The following TRIM32 variants were observed in gnomAD, a reference collection of about 807,000 sequenced individuals.
The protein encoded by TRIM32 is tripartite motif containing 32.
In TRIM32, 19 loss-of-function variants were observed where a neutral mutation model predicts 36.0. The observed-to-expected ratio is 0.53, with a 90% CI of 0.37 to 0.77. TRIM32 has a LOEUF of 0.77. TRIM32 is among the 30% of genes least tolerant of loss of function. The probability of loss-of-function intolerance (pLI) is 0.00; values close to 1 mark genes in which losing one functional copy is unlikely to be tolerated. For missense variants in TRIM32, 747 were observed against 845.2 expected, an observed-to-expected ratio of 0.88 and a Z score of 1.44; for synonymous variants, 309 against 318.5, an observed-to-expected ratio of 0.97 and a Z score of 0.32.
At position 116,698,698 on chromosome 9, in the gene TRIM32, C is replaced by G. The variant is rs1437843367; in HGVS notation, c.956C>G (p.Ser319Cys). 6.2e-7 allele frequency: 1 copy of G among 1,614,200 alleles called. No homozygotes were observed. Among genetic ancestry groups the G allele is most frequent in the Non-Finnish European group, 8.5e-7 (1 of 1,180,040 alleles). Reference protein sequence around the residue: ...MEATASAASTSVTFREMDMSP... With the variant: ...MEATASAASTCVTFREMDMSP... ...GCCACAGCGTCTGCTGCCTCTACCT[C>G]TGTTACTTTTAGAGAGATGGACATG... Residue 319 changes from serine to cysteine, a missense_variant, in exon 2 of 2, where the codon TCT becomes TGT. Ser to Cys is a moderately radical substitution (Grantham distance 112). Coordinates refer to ENST00000450136, the MANE Select transcript of TRIM32 (RefSeq NM_012210.4). This position sits in a 1 kb window ranked among gnomAD's most constrained non-coding sequence, Gnocchi z 4.4.
rs975839481 is a variant in TRIM32 at position 116,701,213 on chromosome 9, G to C, written c.*1509G>C. ...TTGCTAAACTGAGCTGCTCAAAATT[G>C]TTTTTATGGTAGTAGTGTTTCTTTG... is the stretch of plus-strand genomic sequence containing the variant. On this transcript the variant is annotated 3_prime_UTR_variant, in exon 2 of 2. Transcript: ENST00000450136. 1.2e-5 allele frequency: 2 copies of C among 167,048 alleles called. No homozygotes were observed. Among genetic ancestry groups the C allele is most frequent in the African/African-American group, 4.8e-5 (2 of 41,430 alleles). 10.3% of individuals were successfully genotyped at this position (167,048 alleles called of 1,614,324 possible).
At chr9:116,696,344 CTCTA>C (rs1654207653) in intron 1 of TRIM32, among the ~76,000 whole-genome samples, 1 of 152,112 alleles carries the variant, frequency 6.6e-6, no homozygotes, top group Non-Finnish European at 1.5e-5. Flanking sequence ...ATTCTATACA[CTCTA>C]TATATTATTT....
chr9:116,699,892 A>C lies in TRIM32; in HGVS notation c.*188A>C. 1.3e-6 allele frequency: 1 copy of C among 781,328 alleles called. No homozygotes were observed. Among genetic ancestry groups the C allele is most frequent in the Non-Finnish European group, 2.1e-6 (1 of 486,980 alleles). The allele number at this position is 781,328 out of a possible 1,614,324, so 48.4% of individuals were successfully genotyped here. A position where few individuals can be genotyped will look rare whatever the true frequency, so the allele number is the denominator to read the frequency against. ...TGTCCCCCTCCCCGCTTCCCACCTA[A>C]ATTTAGAGCTTTAAAAGATGCACTG... On this transcript the variant is annotated 3_prime_UTR_variant, in exon 2 of 2. Transcript: ENST00000450136. The surrounding 1 kb of genome is among the most constrained non-coding windows in gnomAD (Gnocchi z 4.2).
At position 116,698,075 on chromosome 9, in the gene TRIM32, C is replaced by T; in HGVS notation, c.333C>T (p.Phe111=). Residue 111 remains phenylalanine (F), a synonymous_variant, in exon 2 of 2, where the codon TTC becomes TTT. Coordinates refer to ENST00000450136, the MANE Select transcript of TRIM32 (RefSeq NM_012210.4). The surrounding 1 kb of genome is among the most constrained non-coding windows in gnomAD (Gnocchi z 4.4). ...GTGGGCGGCGTCTGCCCCGGCAATT[C>T]TGCCGGAGCTGTGGTTTGGTGTTAT... The part of the protein sequence containing the change: ...RSCGRRLPRQ[F]CRSCGLVLCE... 1 of 1,614,122 alleles carries T rather than the reference C, an allele frequency of 6.2e-7. No homozygotes were observed. The highest frequency in any genetic ancestry group is 1.1e-5 in the South Asian group (1 of 91,082).
Position 116,697,301 on chromosome 9 carries a change from C to T in TRIM32, c.-81-361C>T, listed in dbSNP as rs144031102. 53 of 207,436 alleles carry T rather than the reference C, an allele frequency of 2.6e-4. No individual in the cohort carries two copies. The East Asian group carries it at 4.7e-3, about 19-fold the overall frequency. The allele number at this position is 207,436 out of a possible 1,614,324, so 12.8% of individuals were successfully genotyped here. The stretch of plus-strand genomic sequence containing the variant: ...TTCCCTGGTGCTATACTAAGCACAT[C>T]ATATTTATCTTGTTACTTAGCCCTT... On this transcript the variant is annotated intron_variant, in intron 1 of 1. Transcript: ENST00000450136.
At chr9:116,697,004 A>T (rs10983306) in intron 1 of TRIM32, among the ~76,000 whole-genome samples, 26 of 151,194 alleles carry the variant, frequency 1.7e-4, no homozygotes, top group African/African-American at 5.8e-4. Flanking sequence ...TCTTTGCTTA[A>T]AGTACCTTTA....
intron 1 of TRIM32, 108 bp downstream of exon 1, chr9:116,687,489 A>T (rs1463816159): frequency 8.7e-6 from 1 of 115,024 alleles, no homozygotes; most frequent in East Asian, 3.3e-4. Context: ...GCCGCGCCCG[A>T]ATGGCAGGGT....
intron 1 of TRIM32, among the ~76,000 whole-genome samples, chr9:116,692,588 A>G (rs1860626516): frequency 6.6e-6 from 1 of 152,188 alleles, no homozygotes; most frequent in South Asian, 2.1e-4. Flanking sequence ...CGTCTCCACA[A>G]TAAGTAGTAG....
Position 116,693,962 on chromosome 9 carries a change from T to C in TRIM32, c.-81-3700T>C, listed in dbSNP as rs117120242. ...TTCACAAAGCAGTGTTTTCAAGTCA[T>C]GGAAGTGGGAAAAGTGGTTCTGGCT... On this transcript the variant is annotated intron_variant, in intron 1 of 1. Transcript: ENST00000450136. 2.8e-3 allele frequency among the ~76,000 whole-genome samples: 431 copies of C among 152,246 alleles called. 1 individual carries two copies. The highest frequency in any genetic ancestry group is 6.8e-3 in the Middle Eastern group (2 of 294).
In TRIM32 at chr9:116,698,659, C is replaced by G. The variant is rs756710806; in HGVS notation, c.917C>G (p.Ser306Cys). The G allele has an allele frequency of 6.2e-7, 1 of 1,614,130 alleles. No individual in the cohort carries two copies. The highest frequency in any genetic ancestry group is 1.3e-5 in the African/African-American group (1 of 75,070). The change falls in exon 2 of 2, where the codon TCC becomes TGC. Residue 306 changes from serine to cysteine, a missense_variant. Physicochemically the swap from Ser to Cys is moderately radical, Grantham distance 112. Coordinates refer to ENST00000450136, the MANE Select transcript of TRIM32 (RefSeq NM_012210.4). This position sits in a 1 kb window ranked among gnomAD's most constrained non-coding sequence, Gnocchi z 4.4. ...CCCCGGACAGTTAACGTGGAAGATT[C>G]CTGGGCCATGGAGGCCACAGCGTCT... is the stretch of plus-strand genomic sequence containing the variant. ...KKPRTVNVED[S>C]WAMEATASAA... is the part of the protein sequence containing the mutation.
chr9:116,699,263 C>T lies in TRIM32; in HGVS notation c.1521C>T (p.Tyr507=). The change falls in exon 2 of 2, where the codon TAC becomes TAT. Residue 507 remains tyrosine (Y), a synonymous_variant. Transcript: ENST00000450136. This position sits in a 1 kb window ranked among gnomAD's most constrained non-coding sequence, Gnocchi z 4.2. ...ATCGAGGATCAGGGGTGGTCAAATA[C>T]AGCTGCCTATGTAGTGCTGTGCGGC... ...TVDRGSGVVK[Y]SCLCSAVRPK... 6.2e-7 allele frequency: 1 copy of T among 1,614,196 alleles called. No homozygotes were observed. Among genetic ancestry groups the T allele is most frequent in the Non-Finnish European group, 8.5e-7 (1 of 1,180,050 alleles).
At chr9:116,691,913 G>C (rs1860587754) in intron 1 of TRIM32, among the ~76,000 whole-genome samples, 1 of 152,182 alleles carries the variant, frequency 6.6e-6, no homozygotes, top group Non-Finnish European at 1.5e-5. Flanking sequence ...GTCAAACCAG[G>C]GGAGCGTGTC....
At chr9:116,695,497 A>G (rs1860800188) in intron 1 of TRIM32, among the ~76,000 whole-genome samples, 1 of 152,240 alleles carries the variant, frequency 6.6e-6, no homozygotes, top group South Asian at 2.1e-4. Flanking sequence ...ATATCTCTAC[A>G]TTAACTCCCC....
chr9:116,687,529 T>G, intron 1 of TRIM32, 148 bp downstream of exon 1: 1 of 10,304 alleles, frequency 9.7e-5, no homozygotes, highest in African/African-American at 3.8e-4. Context: ...GGGGCAGGAC[T>G]AGGGTGGGGG....
rs886063379 is a variant in TRIM32 at position 116,699,462 on chromosome 9, G to T, written c.1720G>T (p.Asp574Tyr). 11 of 1,614,096 alleles carry T rather than the reference G, an allele frequency of 6.8e-6. No individual in the cohort carries two copies. Among genetic ancestry groups the T allele is most frequent in the Admixed American group, 1.7e-5 (1 of 60,014 alleles). Residue 574 changes from aspartate to tyrosine, a missense_variant, in exon 2 of 2, where the codon GAT becomes TAT. Coordinates refer to ENST00000450136, the MANE Select transcript of TRIM32 (RefSeq NM_012210.4). The surrounding 1 kb of genome is among the most constrained non-coding windows in gnomAD (Gnocchi z 4.2). ...TAGCCACTTCTTCTCGGAGAATGAG[G>T]ATTTCCGCTGCATTGCTGGCATGTG... is the stretch of plus-strand genomic sequence containing the variant. Reference protein sequence around the residue: ...QISHFFSENEDFRCIAGMCVD... With the variant: ...QISHFFSENEYFRCIAGMCVD...
rs1178902266 is a variant in TRIM32, at chr9:116,700,763, A to C, written c.*1059A>C. On this transcript the variant is annotated 3_prime_UTR_variant, in exon 2 of 2. Coordinates refer to ENST00000450136, the MANE Select transcript of TRIM32 (RefSeq NM_012210.4). ...AACTGTTTCTTCATCTCTGGTGTTC[A>C]TGTCTTTTAATTAAATACGGAATTT... 2 of 166,936 alleles carry C rather than the reference A, an allele frequency of 1.2e-5. No homozygotes were observed. Among genetic ancestry groups the C allele is most frequent in the East Asian group, 3.8e-4 (2 of 5,202 alleles). 10.3% of individuals were successfully genotyped at this position (166,936 alleles called of 1,614,324 possible).
intron 1 of TRIM32, among the ~76,000 whole-genome samples, chr9:116,687,773 G>T (rs1324335408): frequency 2.6e-5 from 4 of 151,964 alleles, no homozygotes. Flanking sequence ...TGAAGGAACT[G>T]GGGGGCCCCG....
chr9:116,701,114 T>C lies in TRIM32; in HGVS notation c.*1410T>C, dbSNP rs1375065030. 1.2e-5 allele frequency: 2 copies of C among 167,102 alleles called. No homozygotes were observed. The highest frequency in any genetic ancestry group is 4.8e-5 in the African/African-American group (2 of 41,454). The allele number at this position is 167,102 out of a possible 1,614,324, so 10.4% of individuals were successfully genotyped here. A position where few individuals can be genotyped will look rare whatever the true frequency, so the allele number is the denominator to read the frequency against. On this transcript the variant is annotated 3_prime_UTR_variant, in exon 2 of 2. Transcript: ENST00000450136. ...TCCTGAGGGTTTGGTGTTTACTAAG[T>C]AATATATCTTACTCTAGGTGCAGGG...
At chr9:116,693,901 C>T (rs1458291175) in intron 1 of TRIM32, among the ~76,000 whole-genome samples, 1 of 152,152 alleles carries the variant, frequency 6.6e-6, no homozygotes, top group East Asian at 1.9e-4. Flanking sequence ...CGGGCTCTAT[C>T]TGCCTGTCTC....
Sources: allele counts gnomAD v4.1 joint callset (sites outside exome capture counted in the v4.1 genomes callset), GRCh38; gene constraint gnomAD v4.1.1; non-coding constraint Gnocchi (gnomAD v3.1); transcripts MANE v1.5; gene names NCBI Gene and HGNC (gene_info 2026-07-23, HGNC 2026-07-21).